RNF150: variants seen among roughly 807,000 people sequenced by gnomAD.
RNF150 encodes ring finger protein 150.
In RNF150, 24 loss-of-function variants were observed where a neutral mutation model predicts 39.3. The observed-to-expected ratio is 0.61, with a 90% CI of 0.44 to 0.86. RNF150 has a LOEUF of 0.86. RNF150 is among the 40% of genes least tolerant of loss of function. RNF150 has a pLI of 0.00. For missense variants in RNF150, 502 were observed against 587.8 expected (o/e 0.85, Z 1.51); for synonymous variants, 255 against 227.3 (o/e 1.12, Z -1.10).
At chr4:140,952,661 G>C (rs1052226046) in intron 2 of RNF150, among the ~76,000 whole-genome samples, 3 of 152,176 alleles carry the variant, frequency 2.0e-5, no homozygotes, top group Non-Finnish European at 2.9e-5. Flanking sequence ...TTGGCTAACA[G>C]TAAAGTTAAT....
chr4:140,909,073 T>TAATC (rs889378861), intron 6 of RNF150, among the ~76,000 whole-genome samples: 1 of 152,180 alleles, frequency 6.6e-6, no homozygotes, highest in Non-Finnish European at 1.5e-5. Flanking sequence ...TGTGTGACAG[T>TAATC]AATCAAAGAT....
At chr4:140,962,748 A>G (rs1733091343) in intron 2 of RNF150, among the ~76,000 whole-genome samples, 1 of 152,012 alleles carries the variant, frequency 6.6e-6, no homozygotes, top group Admixed American at 6.6e-5. Flanking sequence ...AGTAATACAC[A>G]TTAATCCATT....
chr4:141,005,837 G>A (rs1734844644), intron 1 of RNF150, among the ~76,000 whole-genome samples: 1 of 130,206 alleles, frequency 7.7e-6, no homozygotes, highest in Non-Finnish European at 1.7e-5. Flanking sequence ...GGGAGGCCGA[G>A]GCGGGCGGAT....
intron 6 of RNF150, among the ~76,000 whole-genome samples, chr4:140,908,874 G>A (rs1730489268): frequency 6.6e-6 from 1 of 152,112 alleles, no homozygotes; most frequent in Admixed American, 6.5e-5. Context: ...TTCAAAATAA[G>A]GAATCTGACA....
chr4:140,920,902 T>C (rs184246231), intron 5 of RNF150, among the ~76,000 whole-genome samples: 2,627 of 151,572 alleles, frequency 0.017, 46 homozygotes, highest in Non-Finnish European at 0.027. Context: ...ATGGATGAAA[T>C]TGGAAATCAT....
intron 2 of RNF150, 149 bp downstream of exon 2, chr4:140,967,474 T>C: frequency 1.6e-6 from 1 of 625,512 alleles, no homozygotes; most frequent in East Asian, 2.8e-5. Context: ...ATTTGGATAA[T>C]ATCTGAAAAA....
intron 2 of RNF150, among the ~76,000 whole-genome samples, chr4:140,951,289 T>C (rs1271893298): frequency 1.3e-5 from 2 of 152,156 alleles, no homozygotes; most frequent in Non-Finnish European, 2.9e-5. Context: ...TTCACATTGT[T>C]CCCTATATCC....
At chr4:140,946,118 G>A (rs11100696) in intron 4 of RNF150, among the ~76,000 whole-genome samples, 39,835 of 152,066 alleles carry the variant, frequency 0.26, 5,272 homozygotes, top group South Asian at 0.37. Context: ...TTATGATTTC[G>A]TCTTAGATAT....
rs186824232 is a variant in RNF150 at position 141,041,217 on chromosome 4, G to A, written c.485-73344C>T. On this transcript the variant is annotated intron_variant, in intron 1 of 6. Coordinates refer to ENST00000515673, the MANE Select transcript of RNF150 (RefSeq NM_020724.2). Reference sequence around the variant, plus strand: ...TAAACAAATCATTATAACCTACTGTGTTAAGTGCTGTGATATAAGTACAAG... The same window carrying A: ...TAAACAAATCATTATAACCTACTGTATTAAGTGCTGTGATATAAGTACAAG... 2.6e-5 allele frequency among the ~76,000 whole-genome samples: 4 copies of A among 152,238 alleles called. No homozygotes were observed. The East Asian group carries it at 7.7e-4, about 29-fold the overall frequency.
intron 6 of RNF150, among the ~76,000 whole-genome samples, chr4:140,876,537 G>A (rs1409430068): frequency 6.6e-6 from 1 of 152,206 alleles, no homozygotes; most frequent in Non-Finnish European, 1.5e-5. Context: ...TCCTCAGAGG[G>A]TATGCAATAG....
At chr4:141,125,284 A>G (rs2111095735) in intron 1 of RNF150, among the ~76,000 whole-genome samples, 2 of 142,270 alleles carry the variant, frequency 1.4e-5, no homozygotes, top group South Asian at 4.5e-4. Flanking sequence ...TCTATTTAAT[A>G]GAACGATTGT....
At chr4:141,129,939 T>TA (rs1726848645) in intron 1 of RNF150, among the ~76,000 whole-genome samples, 1 of 152,200 alleles carries the variant, frequency 6.6e-6, no homozygotes, top group African/African-American at 2.4e-5. Flanking sequence ...GATAGATATA[T>TA]CATCAGCTTT....
intron 1 of RNF150, among the ~76,000 whole-genome samples, chr4:141,093,380 G>T (rs1175367254): frequency 5.1e-5 from 3 of 58,258 alleles, no homozygotes; most frequent in Non-Finnish European, 6.1e-5. Flanking sequence ...AAAAAAAAAG[G>T]GGGGGGAAAG....
chr4:141,087,336 A>T (rs2110997602), intron 1 of RNF150, among the ~76,000 whole-genome samples: 1 of 152,302 alleles, frequency 6.6e-6, no homozygotes, highest in South Asian at 2.1e-4. Flanking sequence ...TGACTGCATA[A>T]TATTCCATGG....
chr4:140,870,631 T>C (rs1000720460), intron 6 of RNF150, among the ~76,000 whole-genome samples: 4 of 152,132 alleles, frequency 2.6e-5, no homozygotes, highest in African/African-American at 4.8e-5. Context: ...TGGCGTGCTG[T>C]TGTGCAGGGT....
At chr4:141,131,526 T>C (rs1726891350) in intron 1 of RNF150, among the ~76,000 whole-genome samples, 2 of 152,198 alleles carry the variant, frequency 1.3e-5, no homozygotes, top group East Asian at 1.9e-4. Flanking sequence ...ATATGCGGTA[T>C]TGAGTTTTGG....
chr4:141,027,059 C>T (rs1376892852), intron 1 of RNF150, among the ~76,000 whole-genome samples: 15 of 152,174 alleles, frequency 9.9e-5, no homozygotes, highest in Admixed American at 9.8e-4. Flanking sequence ...TGGTCGATGC[C>T]TTCTCCCAGT....
At chr4:140,876,645 C>T (rs766482456) in intron 6 of RNF150, among the ~76,000 whole-genome samples, 2 of 152,176 alleles carry the variant, frequency 1.3e-5, no homozygotes, top group Non-Finnish European at 1.5e-5. Flanking sequence ...ACAATAATAC[C>T]GCTATGATGG....
intron 1 of RNF150, among the ~76,000 whole-genome samples, chr4:141,016,398 G>A (rs1735274543): frequency 6.6e-6 from 1 of 152,144 alleles, no homozygotes; most frequent in African/African-American, 2.4e-5. Context: ...TACATTTTCT[G>A]GCAAATTGTG....
Sources: gnomAD v4.1 joint callset for allele counts (sites outside exome capture counted in the v4.1 genomes callset) on GRCh38, gnomAD v4.1.1 for gene constraint, MANE v1.5 for transcripts, NCBI Gene and HGNC (gene_info 2026-07-23, HGNC 2026-07-21) for gene names.